MAPK8: variants seen among roughly 807,000 people sequenced by gnomAD.
MAPK8 encodes JUN N-terminal kinase.
Under a neutral mutation model 52.9 loss-of-function variants are expected in MAPK8, and 13 were observed. The ratio of observed to expected loss-of-function variants is 0.25; its 90% CI spans 0.16 to 0.39. The LOEUF (loss-of-function observed/expected upper bound fraction) is 0.39. Ranked by LOEUF, MAPK8 falls within the 10% of genes least tolerant of loss-of-function variation. The pLI is 1.00. For missense variants in MAPK8, 300 were observed against 519.2 expected (o/e 0.58, Z 4.10); for synonymous variants, 191 against 169.8 (o/e 1.12, Z -0.97).
chr10:48,315,480 A>T (rs941388122), intron 1 of MAPK8, among the ~76,000 whole-genome samples: 1 of 152,136 alleles, frequency 6.6e-6, no homozygotes, highest in African/African-American at 2.4e-5. Flanking sequence ...TGACAGCTTT[A>T]TGATGTACCT....
At chr10:48,347,060 C>T (rs947830968) in intron 1 of MAPK8, among the ~76,000 whole-genome samples, 3 of 152,158 alleles carry the variant, frequency 2.0e-5, no homozygotes, top group South Asian at 4.1e-4. Context: ...TGCTTTTTCT[C>T]TTGTCTCTTT....
At chr10:48,417,442 A>G (rs78503103) in intron 5 of MAPK8, among the ~76,000 whole-genome samples, 3,306 of 152,326 alleles carry the variant, frequency 0.022, 52 homozygotes, top group Non-Finnish European at 0.035. Flanking sequence ...TTATGTGAAA[A>G]TGATGCATAG....
At chr10:48,408,597 A>C (rs1346630109) in intron 3 of MAPK8, among the ~76,000 whole-genome samples, 1 of 152,224 alleles carries the variant, frequency 6.6e-6, no homozygotes, top group Non-Finnish European at 1.5e-5. Flanking sequence ...AGGGAGTTTC[A>C]GAATATATTT....
At chr10:48,363,454 A>G (rs771412998) in intron 1 of MAPK8, among the ~76,000 whole-genome samples, 2 of 152,222 alleles carry the variant, frequency 1.3e-5, no homozygotes, top group Admixed American at 6.5e-5. Flanking sequence ...GTTGTAAGAA[A>G]AATACCATAA....
intron 1 of MAPK8, among the ~76,000 whole-genome samples, chr10:48,309,536 T>C (rs1588889146): frequency 6.6e-6 from 1 of 152,242 alleles, no homozygotes; most frequent in South Asian, 2.1e-4. Context: ...ATAAATTGTA[T>C]ACAAATTAAT....
intron 1 of MAPK8, among the ~76,000 whole-genome samples, chr10:48,334,902 A>G (rs1386668651): frequency 1.3e-5 from 2 of 152,018 alleles, no homozygotes; most frequent in African/African-American, 4.8e-5. Flanking sequence ...CCATTTCCTC[A>G]CTGGTCGAGT....
intron 1 of MAPK8, among the ~76,000 whole-genome samples, chr10:48,381,254 T>A (rs924576717): frequency 6.6e-6 from 1 of 152,196 alleles, no homozygotes; most frequent in Non-Finnish European, 1.5e-5. Context: ...ACAATTTTAT[T>A]TTTTCTTTCT....
intron 3 of MAPK8, among the ~76,000 whole-genome samples, chr10:48,407,825 G>A (rs781200348): frequency 1.3e-5 from 2 of 152,066 alleles, no homozygotes; most frequent in Non-Finnish European, 2.9e-5. Flanking sequence ...TCTTCTTTCT[G>A]TCTCTATATG....
In MAPK8 at chr10:48,436,899, A is replaced by G; in HGVS notation, c.*1870A>G. ...GTAGACAGAAAATATTGGATTCACA[A>G]TTTCAGCAGAAATTTGAGAATGAGT... On this transcript the variant is annotated 3_prime_UTR_variant, in exon 12 of 12. Coordinates refer to ENST00000374189, the MANE Select transcript of MAPK8 (RefSeq NM_001323329.2). 1 of 152,196 alleles carries G rather than the reference A, an allele frequency of 6.6e-6. No homozygotes were observed. The highest frequency in any genetic ancestry group is 1.9e-4 in the East Asian group (1 of 5,196). 9.4% of individuals were successfully genotyped at this position (152,196 alleles called of 1,614,324 possible).
At chr10:48,402,544 G>T (rs2042214089) in intron 2 of MAPK8, among the ~76,000 whole-genome samples, 1 of 152,308 alleles carries the variant, frequency 6.6e-6, no homozygotes, top group East Asian at 1.9e-4. Context: ...CTGAAATGCA[G>T]ATCACTCTTT....
intron 1 of MAPK8, among the ~76,000 whole-genome samples, chr10:48,333,963 C>G (rs1844410675): frequency 6.6e-6 from 1 of 152,232 alleles, no homozygotes; most frequent in Non-Finnish European, 1.5e-5. Context: ...CCTCCTGGAT[C>G]TCAGAGCTGC....
intron 1 of MAPK8, among the ~76,000 whole-genome samples, chr10:48,400,595 G>A (rs10857561): frequency 0.29 from 43,789 of 152,006 alleles, 6,643 homozygotes; most frequent in South Asian, 0.39. Context: ...CTGGCCCCAG[G>A]ACATGCAGAC....
chr10:48,381,363 C>T (rs148854127), intron 1 of MAPK8, among the ~76,000 whole-genome samples: 2 of 152,170 alleles, frequency 1.3e-5, no homozygotes, highest in South Asian at 4.1e-4. Context: ...CTCACACCCT[C>T]CTCTCTTTTT....
At chr10:48,386,461 A>C (rs2041316930) in intron 1 of MAPK8, among the ~76,000 whole-genome samples, 1 of 152,208 alleles carries the variant, frequency 6.6e-6, no homozygotes, top group African/African-American at 2.4e-5. Flanking sequence ...ATTCAGTTGA[A>C]TGTCCTTGTG....
chr10:48,387,974 A>C (rs1466061468), intron 1 of MAPK8, among the ~76,000 whole-genome samples: 3 of 152,170 alleles, frequency 2.0e-5, no homozygotes, highest in Non-Finnish European at 4.4e-5. Context: ...AGCCAATATG[A>C]AATCTTTTGT....
chr10:48,348,731 G>C (rs1368732740), intron 1 of MAPK8, among the ~76,000 whole-genome samples: 1 of 152,090 alleles, frequency 6.6e-6, no homozygotes, highest in Non-Finnish European at 1.5e-5. Flanking sequence ...CCTCTGTTCT[G>C]TTCCATTGGT....
chr10:48,398,455 C>T (rs1027305029), intron 1 of MAPK8, among the ~76,000 whole-genome samples: 3 of 152,036 alleles, frequency 2.0e-5, no homozygotes, highest in Admixed American at 1.3e-4. Flanking sequence ...AATGGCAATC[C>T]GAAGAATGTG....
chr10:48,312,393 A>G (rs1842063576), intron 1 of MAPK8, among the ~76,000 whole-genome samples: 1 of 152,150 alleles, frequency 6.6e-6, no homozygotes, highest in Non-Finnish European at 1.5e-5. Flanking sequence ...TGTACTAGAA[A>G]CACTTTTTAA....
rs191532007 is a variant in MAPK8, at chr10:48,413,966, T to C, written c.450+3798T>C. On this transcript the variant is annotated intron_variant, in intron 5 of 11. Coordinates refer to ENST00000374189, the MANE Select transcript of MAPK8 (RefSeq NM_001323329.2). The stretch of plus-strand genomic sequence containing the variant: ...CATTTAACGTGTACCACTCAGTGTT[T>C]ATTATATTTGAAGATTGTATGCTCG... Among the ~76,000 whole-genome samples the C allele has an allele frequency of 1.4e-3, 205 of 151,164 alleles. 4 individuals carry two copies. The highest frequency in any genetic ancestry group is 0.01 in the Middle Eastern group (3 of 292).
Sources: allele counts gnomAD v4.1 joint callset (sites outside exome capture counted in the v4.1 genomes callset), GRCh38; gene constraint gnomAD v4.1.1; transcripts MANE v1.5; gene names NCBI Gene and HGNC (gene_info 2026-07-23, HGNC 2026-07-21).